EPM2A: variants seen among roughly 807,000 people sequenced by gnomAD.
EPM2A encodes the protein laforin.
In EPM2A, 21 loss-of-function variants were observed where a neutral mutation model predicts 26.5. The ratio of observed to expected loss-of-function variants is 0.79; its 90% confidence interval spans 0.56 to 1.14. The LOEUF is 1.14. Among genes scored for constraint, EPM2A ranks in the 50% most tolerant of loss-of-function variants. The pLI, the probability that EPM2A is intolerant of heterozygous loss-of-function variation, is 0.00. For synonymous variants in EPM2A, 217 were observed against 177.6 expected (o/e 1.22, Z -1.76); for missense variants, 458 against 440.8 (o/e 1.04, Z -0.35).
chr6:145,625,550 A>T lies in EPM2A; in HGVS notation c.*1866T>A, dbSNP rs574586584. 3.2e-5 allele frequency: 20 copies of T among 627,608 alleles called. No individual in the cohort carries two copies. Among genetic ancestry groups the T allele is most frequent in the Admixed American group, 7.6e-5 (3 of 39,222 alleles). The allele number at this position is 627,608 out of a possible 1,614,324, so 38.9% of individuals were successfully genotyped here. A position where few individuals can be genotyped will look rare whatever the true frequency, so the allele number is the denominator to read the frequency against. ...ATTCACAGACCCACATAGTTTAAAAATTTAATTTTTAAGATTAAATTTTCA... is the reference window on the plus strand; with the variant it reads ...ATTCACAGACCCACATAGTTTAAAATTTTAATTTTTAAGATTAAATTTTCA... On this transcript the variant is annotated 3_prime_UTR_variant, in exon 4 of 4. Coordinates refer to ENST00000367519, the MANE Select transcript of EPM2A (RefSeq NM_005670.4).
intron 2 of EPM2A, among the ~76,000 whole-genome samples, chr6:145,604,505 C>A (rs972324083): frequency 1.4e-4 from 21 of 152,046 alleles, no homozygotes; most frequent in African/African-American, 4.1e-4. Flanking sequence ...CTGCAAAAAA[C>A]CACCACTGGA....
intron 4 of EPM2A, among the ~76,000 whole-genome samples, chr6:145,416,867 AT>A (rs200461578): frequency 2.0e-3 from 291 of 147,400 alleles, no homozygotes; most frequent in East Asian, 9.1e-3. Flanking sequence ...TGATTTCTTA[AT>A]TTTTTTTTTT....
chr6:145,531,066 G>A (rs888949824), intron 2 of EPM2A, among the ~76,000 whole-genome samples: 12 of 152,184 alleles, frequency 7.9e-5, no homozygotes, highest in South Asian at 2.1e-4. Flanking sequence ...TGGGAGTTCC[G>A]TCAGGATGGT....
chr6:145,568,362 C>T (rs1373756082), intron 2 of EPM2A, among the ~76,000 whole-genome samples: 2 of 151,110 alleles, frequency 1.3e-5, no homozygotes, highest in African/African-American at 2.4e-5. Flanking sequence ...CACTGTCACC[C>T]AGGCTGGAGT....
intron 1 of EPM2A, among the ~76,000 whole-genome samples, chr6:145,716,815 T>A (rs910933961): frequency 6.6e-6 from 1 of 152,206 alleles, no homozygotes; most frequent in African/African-American, 2.4e-5. Context: ...CCTGTCTCCC[T>A]CACATGGAGG....
chr6:145,698,534 CAA>C lies in EPM2A; in HGVS notation c.302-12240_302-12239del, dbSNP rs369609711. Among the ~76,000 whole-genome samples the C allele has an allele frequency of 5.2e-3, 767 of 148,608 alleles. 5 individuals carry two copies. Among genetic ancestry groups the C allele is most frequent in the African/African-American group, 0.019 (747 of 40,278 alleles). On this transcript the variant is annotated intron_variant, in intron 1 of 3. Coordinates refer to ENST00000367519, the MANE Select transcript of EPM2A (RefSeq NM_005670.4). Reference sequence around the variant, plus strand: ...CCATACAGAGCAGAAAATAGTACAACAAAAAACTTCTATGATTATAAAAAGAC... The same window carrying C: ...CCATACAGAGCAGAAAATAGTACAACAAAACTTCTATGATTATAAAAAGAC...
chr6:145,690,805 A>G (rs1781234823), intron 1 of EPM2A, among the ~76,000 whole-genome samples: 1 of 152,100 alleles, frequency 6.6e-6, no homozygotes, highest in Non-Finnish European at 1.5e-5. Context: ...TGAAAAGAGG[A>G]ACTAAATATT....
intron 2 of EPM2A, among the ~76,000 whole-genome samples, chr6:145,598,319 G>C (rs2128549483): frequency 6.6e-6 from 1 of 152,122 alleles, no homozygotes; most frequent in East Asian, 1.9e-4. Context: ...TTTCCCTAAT[G>C]ATCAGTGACG....
chr6:145,448,039 G>A (rs947029661), intron 4 of EPM2A, among the ~76,000 whole-genome samples: 9 of 152,050 alleles, frequency 5.9e-5, no homozygotes, highest in Admixed American at 2.0e-4. Context: ...TATGTTTTCC[G>A]TGTCAATTAC....
At chr6:145,655,116 G>A (rs1481228357) in intron 2 of EPM2A, among the ~76,000 whole-genome samples, 1 of 151,044 alleles carries the variant, frequency 6.6e-6, no homozygotes, top group Non-Finnish European at 1.5e-5. Context: ...ATGCTTTGTT[G>A]ACACTGTAAC....
chr6:145,514,615 T>C (rs1401354096), intron 2 of EPM2A, among the ~76,000 whole-genome samples: 1 of 152,178 alleles, frequency 6.6e-6, no homozygotes, highest in East Asian at 1.9e-4. Context: ...TTCAATAATA[T>C]AGAGCAGTGT....
At chr6:145,498,819 C>T (rs765423941), downstream of EPM2A, among the ~76,000 whole-genome samples, 53 of 152,302 alleles carry the variant, frequency 3.5e-4, no homozygotes, top group Middle Eastern at 3.4e-3. Flanking sequence ...GTCAACTTGG[C>T]CCCACTCCAT....
intron 4 of EPM2A, among the ~76,000 whole-genome samples, chr6:145,395,708 G>T (rs1010099332): frequency 6.6e-6 from 1 of 152,152 alleles, no homozygotes; most frequent in Non-Finnish European, 1.5e-5. Flanking sequence ...TTTACCAGAA[G>T]AGGTATCCTC....
intron 4 of EPM2A, among the ~76,000 whole-genome samples, chr6:145,410,920 G>A (rs542073003): frequency 6.6e-6 from 1 of 152,176 alleles, no homozygotes; most frequent in East Asian, 1.9e-4. Context: ...TTATTGTTAT[G>A]AATAGTATAT....
chr6:145,599,299 T>A (rs923558444), intron 2 of EPM2A, among the ~76,000 whole-genome samples: 2 of 152,118 alleles, frequency 1.3e-5, no homozygotes, highest in Non-Finnish European at 2.9e-5. Context: ...TCTTTCATAA[T>A]TTCTTCCTCA....
At chr6:145,438,492 T>C (rs919802861) in intron 4 of EPM2A, among the ~76,000 whole-genome samples, 1 of 138,300 alleles carries the variant, frequency 7.2e-6, no homozygotes, top group African/African-American at 2.8e-5. Context: ...TTTTTTTTTT[T>C]AGATGGAGTC....
intron 2 of EPM2A, among the ~76,000 whole-genome samples, chr6:145,507,707 G>A (rs774639705): frequency 6.6e-6 from 1 of 152,222 alleles, no homozygotes; most frequent in Non-Finnish European, 1.5e-5. Flanking sequence ...ACTGGAGTAG[G>A]AGAAGGGTTC....
intron 2 of EPM2A, among the ~76,000 whole-genome samples, chr6:145,678,163 A>G (rs1280742528): frequency 6.6e-6 from 1 of 152,228 alleles, no homozygotes; most frequent in Non-Finnish European, 1.5e-5. Context: ...AACCTGACAA[A>G]AGCAAGAAAT....
chr6:145,561,207 T>C (rs1487798073), intron 2 of EPM2A, among the ~76,000 whole-genome samples: 3 of 151,738 alleles, frequency 2.0e-5, no homozygotes, highest in Admixed American at 2.0e-4. Flanking sequence ...AAATACCAAT[T>C]GTGTTTAAAT....
Sources: allele counts gnomAD v4.1 joint callset (sites outside exome capture counted in the v4.1 genomes callset), GRCh38; gene constraint gnomAD v4.1.1; transcripts MANE v1.5; gene names NCBI Gene and HGNC (gene_info 2026-07-23, HGNC 2026-07-21).